The following LHFPL6 variants were observed in gnomAD, a reference collection of about 807,000 sequenced individuals.
LHFPL6 encodes the protein LHFPL tetraspan subfamily member 6.
LHFPL6 carries 9 observed loss-of-function variants against 20.6 expected under a neutral mutation model. That is an observed-to-expected ratio of 0.44 (90% CI 0.26 to 0.76). The LOEUF (loss-of-function observed/expected upper bound fraction) is 0.76. Ranked by LOEUF, LHFPL6 falls within the 30% of genes least tolerant of loss-of-function variation. The probability of loss-of-function intolerance (pLI) is 0.20; values close to 1 mark genes in which losing one functional copy is unlikely to be tolerated. For missense variants in LHFPL6, 218 were observed against 253.5 expected (o/e 0.86, Z 0.95); for synonymous variants, 105 against 98.7 (o/e 1.06, Z -0.38).
At chr13:39,437,344 G>A (rs1432224776) in intron 2 of LHFPL6, among the ~76,000 whole-genome samples, 1 of 152,118 alleles carries the variant, frequency 6.6e-6, no homozygotes, top group Non-Finnish European at 1.5e-5. Context: ...CATCACCCTT[G>A]GTGCTGTACT....
chr13:39,351,075 G>T (rs1351424147), intron 3 of LHFPL6, among the ~76,000 whole-genome samples: 1 of 152,144 alleles, frequency 6.6e-6, no homozygotes, highest in African/African-American at 2.4e-5. Flanking sequence ...CCTACCAAGT[G>T]TGACTGTCTG....
chr13:39,567,896 A>G (rs1490874735), intron 2 of LHFPL6, among the ~76,000 whole-genome samples: 3 of 152,244 alleles, frequency 2.0e-5, no homozygotes, highest in Non-Finnish European at 2.9e-5. Context: ...CAGTTTTAAC[A>G]GAGACCCTAT....
chr13:39,349,362 AG>A (rs1270628613), intron 3 of LHFPL6, among the ~76,000 whole-genome samples: 1 of 152,188 alleles, frequency 6.6e-6, no homozygotes, highest in African/African-American at 2.4e-5. Context: ...AGTTAGAGTA[AG>A]GTGTGTCAAT....
At chr13:39,510,198 T>C (rs2138473536) in intron 2 of LHFPL6, among the ~76,000 whole-genome samples, 1 of 152,032 alleles carries the variant, frequency 6.6e-6, no homozygotes, top group South Asian at 2.1e-4. Context: ...CACGTGAGAG[T>C]AAAAACTAAT....
intron 2 of LHFPL6, among the ~76,000 whole-genome samples, chr13:39,553,569 A>G (rs1871206910): frequency 6.6e-6 from 1 of 152,136 alleles, no homozygotes; most frequent in Non-Finnish European, 1.5e-5. Context: ...ATTTTTTTTA[A>G]TTAGCCAGCA....
At chr13:39,496,956 C>T (rs1869121242) in intron 2 of LHFPL6, among the ~76,000 whole-genome samples, 1 of 152,156 alleles carries the variant, frequency 6.6e-6, no homozygotes, top group Admixed American at 6.5e-5. Flanking sequence ...AACCTCTGTA[C>T]TAAAATCATA....
At chr13:39,382,536 C>T (rs1431196068) in intron 2 of LHFPL6, among the ~76,000 whole-genome samples, 4 of 151,916 alleles carry the variant, frequency 2.6e-5, no homozygotes, top group Admixed American at 6.6e-5. Flanking sequence ...ATTACAGGCG[C>T]GTACCCCCAT....
At chr13:39,353,598 T>C (rs1377760798) in intron 3 of LHFPL6, among the ~76,000 whole-genome samples, 1 of 151,858 alleles carries the variant, frequency 6.6e-6, no homozygotes, top group Admixed American at 6.6e-5. Flanking sequence ...TGTGGTGTCA[T>C]GCGCCTGTAG....
chr13:39,433,268 C>G (rs757819796), intron 2 of LHFPL6, among the ~76,000 whole-genome samples: 2 of 152,098 alleles, frequency 1.3e-5, no homozygotes, highest in Non-Finnish European at 2.9e-5. Flanking sequence ...ATATTTAACT[C>G]TAGCAAACAA....
At chr13:39,525,465 T>C (rs994441407) in intron 2 of LHFPL6, among the ~76,000 whole-genome samples, 4 of 152,346 alleles carry the variant, frequency 2.6e-5, no homozygotes, top group Admixed American at 2.6e-4. Context: ...TAAATCTCTC[T>C]GCATTTAATA....
At chr13:39,454,053 G>A (rs1872513230) in intron 2 of LHFPL6, among the ~76,000 whole-genome samples, 1 of 152,126 alleles carries the variant, frequency 6.6e-6, no homozygotes, top group Non-Finnish European at 1.5e-5. Context: ...TGTTTTGGAT[G>A]TTCCAACCCA....
chr13:39,504,467 A>G (rs917255519), intron 2 of LHFPL6, among the ~76,000 whole-genome samples: 1 of 152,196 alleles, frequency 6.6e-6, no homozygotes, highest in Non-Finnish European at 1.5e-5. Flanking sequence ...TTAAACAACA[A>G]ACATTCTTTT....
At chr13:39,454,089 C>A (rs2138423314) in intron 2 of LHFPL6, among the ~76,000 whole-genome samples, 1 of 152,234 alleles carries the variant, frequency 6.6e-6, no homozygotes, top group Non-Finnish European at 1.5e-5. Flanking sequence ...TGGGGATAAT[C>A]AAGAGCTGAT....
chr13:39,486,634 C>A (rs1045262948), intron 2 of LHFPL6, among the ~76,000 whole-genome samples: 5 of 151,980 alleles, frequency 3.3e-5, no homozygotes, highest in African/African-American at 9.7e-5. Context: ...ACTCTAAAGA[C>A]AGATTTACCA....
intron 2 of LHFPL6, among the ~76,000 whole-genome samples, chr13:39,490,515 T>C (rs1177912166): frequency 6.6e-6 from 1 of 152,196 alleles, no homozygotes; most frequent in Non-Finnish European, 1.5e-5. Flanking sequence ...GAAAAAATCA[T>C]GCTGGATGCA....
intron 2 of LHFPL6, among the ~76,000 whole-genome samples, chr13:39,569,902 T>C (rs183524987): frequency 1.2e-4 from 19 of 152,298 alleles, no homozygotes; most frequent in African/African-American, 4.6e-4. Flanking sequence ...ATGAAACAAC[T>C]TTTGGAGTCT....
chr13:39,554,127 T>C (rs1468523376), intron 2 of LHFPL6, among the ~76,000 whole-genome samples: 1 of 152,228 alleles, frequency 6.6e-6, no homozygotes, highest in Non-Finnish European at 1.5e-5. Context: ...AATAACACCA[T>C]TACTTGTCCT....
At chr13:39,382,780 C>A (rs1481958937) in intron 2 of LHFPL6, among the ~76,000 whole-genome samples, 2 of 152,074 alleles carry the variant, frequency 1.3e-5, no homozygotes, top group African/African-American at 4.8e-5. Flanking sequence ...AAAAACATAC[C>A]ATGAACATAT....
chr13:39,416,402 T>C (rs923990093), intron 2 of LHFPL6, among the ~76,000 whole-genome samples: 3 of 152,090 alleles, frequency 2.0e-5, no homozygotes, highest in African/African-American at 7.2e-5. Context: ...TCCATTATAT[T>C]AGGCCAATTC....
Sources: gnomAD v4.1 joint callset for allele counts (sites outside exome capture counted in the v4.1 genomes callset) on GRCh38, gnomAD v4.1.1 for gene constraint, MANE v1.5 for transcripts, NCBI Gene and HGNC (gene_info 2026-07-23, HGNC 2026-07-21) for gene names.